BICRA: variants seen among roughly 807,000 people sequenced by gnomAD.
BICRA encodes BRD4 interacting chromatin remodeling complex associated protein.
A neutral mutation model predicts 96.9 loss-of-function variants in BICRA; 31 were observed. The observed-to-expected ratio is 0.32, with a 90% CI of 0.24 to 0.43. The LOEUF (loss-of-function observed/expected upper bound fraction) is 0.43, where lower values mean the gene tolerates loss of function less well. BICRA is among the 20% of genes least tolerant of loss of function. BICRA has a pLI of 1.00. For missense variants in BICRA, 2,283 were observed against 2,190.3 expected (o/e 1.04, Z -0.84); for synonymous variants, 1,350 against 1,071.8 (o/e 1.26, Z -5.07).
chr19:47,685,786 T>TGTGTGTGTGCGTGCGCGCGC, intron 7 of BICRA, among the ~76,000 whole-genome samples: 1 of 117,930 alleles, frequency 8.5e-6, no homozygotes, highest in East Asian at 3.5e-4. Flanking sequence ...TGTGTGTGTG[T>TGTGTGTGTGCGTGCGCGCGC]GCGCGCGCGC....
intron 1 of BICRA, among the ~76,000 whole-genome samples, chr19:47,668,457 T>C (rs1030529366): frequency 2.0e-4 from 30 of 151,472 alleles, no homozygotes; most frequent in Non-Finnish European, 4.3e-4. Flanking sequence ...GCAATCTGTT[T>C]AGTGCCACAT....
At position 47,680,376 on chromosome 19, in the gene BICRA, G is replaced by T. The variant is rs371215563; in HGVS notation, c.1206G>T (p.Ala402=). 3.8e-4 allele frequency: 579 copies of T among 1,530,170 alleles called. 8 individuals carry two copies. The East Asian group carries it at 7.7e-3, about 20-fold the overall frequency. The allele number at this position is 1,530,170 out of a possible 1,614,324, so 94.8% of individuals were successfully genotyped here. ...KAPQNLTFMA[A]GKAGQNVVLS... is the part of the protein sequence containing the mutation. The stretch of plus-strand genomic sequence containing the variant: ...CGCAGAACCTGACGTTCATGGCGGC[G>T]GGGAAGGCGGGCCAGAACGTGGTGC... The change falls in exon 6 of 15, where the codon GCG becomes GCT. Residue 402 remains alanine (A), a synonymous_variant. Transcript: ENST00000594866.
Position 47,680,290 on chromosome 19 carries a change from G to C in BICRA, c.1120G>C (p.Ala374Pro). ...GCTGACGCCCAAGCCGTTTGCGCCCGCGGGCGCCACGCTCACCATCCAGGG... is the reference window on the plus strand; with the variant it reads ...GCTGACGCCCAAGCCGTTTGCGCCCCCGGGCGCCACGCTCACCATCCAGGG... ...YQLTPKPFAP[A>P]GATLTIQGEP... Residue 374 changes from alanine to proline, a missense_variant, in exon 6 of 15, where the codon GCG (alanine) becomes CCG (proline). Transcript: ENST00000594866. 1 of 1,556,412 alleles carries C rather than the reference G, an allele frequency of 6.4e-7. No homozygotes were observed. The highest frequency in any genetic ancestry group is 1.2e-5 in the South Asian group (1 of 85,592).
At chr19:47,623,896 G>T (rs995403915) in intron 1 of BICRA, among the ~76,000 whole-genome samples, 9 of 150,410 alleles carry the variant, frequency 6.0e-5, no homozygotes, top group African/African-American at 2.0e-4. Flanking sequence ...TTGTTGCCCA[G>T]GCTGGAGTGC....
chr19:47,676,531 C>T (rs3760823), intron 5 of BICRA, among the ~76,000 whole-genome samples: 60,028 of 129,962 alleles, frequency 0.46, 14,140 homozygotes, highest in East Asian at 0.92. Flanking sequence ...TTGCTGCTTT[C>T]CCCCCTTCAC....
At chr19:47,617,396 C>T (rs1032747768) in intron 1 of BICRA, among the ~76,000 whole-genome samples, 6 of 151,806 alleles carry the variant, frequency 4.0e-5, no homozygotes, top group African/African-American at 1.2e-4. Flanking sequence ...CAGGCTCTCA[C>T]TGTGTCACCC....
At chr19:47,688,905 C>A (rs191700854) in intron 7 of BICRA, among the ~76,000 whole-genome samples, 62 of 152,200 alleles carry the variant, frequency 4.1e-4, no homozygotes, top group East Asian at 3.5e-3. Flanking sequence ...CGGCTCACGG[C>A]AACCTCTGTC....
At chr19:47,684,654 C>T (rs988187991) in intron 7 of BICRA, among the ~76,000 whole-genome samples, 7 of 152,164 alleles carry the variant, frequency 4.6e-5, no homozygotes, top group African/African-American at 1.7e-4. Context: ...CCACCTCCAC[C>T]AGGTAGGTGG....
Position 47,699,396 on chromosome 19 carries a change from G to A in BICRA, c.3586G>A (p.Glu1196Lys). ...TGCCTTGGATAAACAGCTGGCCAAG[G>A]AGAAGCCGGGTGAGAGGGGGGAGTG... ...TLALDKQLAK[E>K]KPDEYVSSSR... Residue 1196 changes from glutamate (E) to lysine (K), a missense_variant, in exon 14 of 15, where the codon GAG becomes AAG. By Grantham distance (56) the Glu-to-Lys change is moderately conservative (BLOSUM62 1). Transcript: ENST00000594866. The surrounding 1 kb of genome is among the most constrained non-coding windows in gnomAD (Gnocchi z 5.0). 1 of 1,550,698 alleles carries A rather than the reference G, an allele frequency of 6.4e-7. No individual in the cohort carries two copies. Among genetic ancestry groups the A allele is most frequent in the African/African-American group, 1.4e-5 (1 of 73,274 alleles).
chr19:47,611,824 C>T (rs568015856), intron 1 of BICRA, among the ~76,000 whole-genome samples: 9 of 151,554 alleles, frequency 5.9e-5, no homozygotes, highest in South Asian at 2.1e-4. Flanking sequence ...TTCAGCAGGC[C>T]GGGTACGCAG....
rs200465599 is a variant in BICRA at position 47,698,929 on chromosome 19, A to G, written c.3398-36A>G. The stretch of plus-strand genomic sequence containing the variant: ...TCCTGCGCATCCGCGGCCGCCCCCA[A>G]CATCTCCGCCCTTGCCTCTCTTCCC... On this transcript the variant is annotated intron_variant, in intron 12 of 14. Transcript: ENST00000594866. The surrounding 1 kb of genome is among the most constrained non-coding windows in gnomAD (Gnocchi z 4.8). 4.7e-6 allele frequency: 7 copies of G among 1,500,236 alleles called. No individual in the cohort carries two copies. In the East Asian group the frequency reaches 7.3e-5, roughly 16 times the overall value. 92.9% of individuals were successfully genotyped at this position (1,500,236 alleles called of 1,614,324 possible).
chr19:47,615,822 T>G (rs1262006907), intron 1 of BICRA: 3 of 152,172 alleles, frequency 2.0e-5, no homozygotes, highest in African/African-American at 7.2e-5. Flanking sequence ...TCAGTTTCCT[T>G]GTCTATAAAA....
chr19:47,628,105 T>C (rs1238952759), intron 1 of BICRA, among the ~76,000 whole-genome samples: 2 of 152,020 alleles, frequency 1.3e-5, no homozygotes, highest in Admixed American at 1.3e-4. Flanking sequence ...TGTTGTGGAG[T>C]GACTGGCACA....
chr19:47,676,283 G>T (rs529037022), intron 5 of BICRA, among the ~76,000 whole-genome samples: 2 of 152,182 alleles, frequency 1.3e-5, no homozygotes, highest in African/African-American at 4.8e-5. Flanking sequence ...GCTGGGGGAG[G>T]CCTGGGGTCC....
At position 47,694,946 on chromosome 19, in the gene BICRA, C is replaced by G; in HGVS notation, c.2942C>G (p.Ala981Gly). Residue 981 changes from alanine to glycine, a missense_variant, in exon 9 of 15, where the codon GCC becomes GGC. By Grantham distance (60) the Ala-to-Gly change is moderately conservative. Transcript: ENST00000594866. The stretch of plus-strand genomic sequence containing the variant: ...CAGAACAAGGCTGGGGGGGCCCCTG[C>G]CGCCCCGCAGACCTCCACCAGCCTG... ...ILQNKAGGAP[A>G]APQTSTSLGP... 1 of 1,538,286 alleles carries G rather than the reference C, an allele frequency of 6.5e-7. No homozygotes were observed. The highest frequency in any genetic ancestry group is 8.7e-7 in the Non-Finnish European group (1 of 1,150,010).
intron 1 of BICRA, among the ~76,000 whole-genome samples, chr19:47,616,174 C>T (rs1239722523): frequency 2.0e-5 from 3 of 152,240 alleles, no homozygotes; most frequent in Non-Finnish European, 4.4e-5. Context: ...CCACCTCAGG[C>T]ATGCTTAGTG....
At chr19:47,697,525 T>C (rs1473899248) in intron 11 of BICRA, among the ~76,000 whole-genome samples, 1 of 151,834 alleles carries the variant, frequency 6.6e-6, no homozygotes, top group Non-Finnish European at 1.5e-5. Flanking sequence ...TCACCCAGGC[T>C]GGAGTGCAGT....
intron 1 of BICRA, among the ~76,000 whole-genome samples, chr19:47,655,316 A>G (rs1439132608): frequency 1.3e-5 from 2 of 151,878 alleles, no homozygotes; most frequent in Non-Finnish European, 2.9e-5. Context: ...ACCTGAGATC[A>G]GGAGTTCGAG....
At chr19:47,672,980 C>T (rs148148662) in intron 2 of BICRA, among the ~76,000 whole-genome samples, 1 of 152,228 alleles carries the variant, frequency 6.6e-6, no homozygotes, top group Non-Finnish European at 1.5e-5. Flanking sequence ...GAACACATTG[C>T]AGACATCTTC....
Sources: allele counts gnomAD v4.1 joint callset (sites outside exome capture counted in the v4.1 genomes callset), GRCh38; gene constraint gnomAD v4.1.1; non-coding constraint Gnocchi (gnomAD v3.1); transcripts MANE v1.5; gene names NCBI Gene and HGNC (gene_info 2026-07-23, HGNC 2026-07-21).